Variants in BRF1 observed in about 807,000 individuals in gnomAD.
BRF1 encodes transcription factor IIIB 90 kDa subunit.
In BRF1, 59 loss-of-function variants were observed where a neutral mutation model predicts 81.7. The ratio of observed to expected loss-of-function variants is 0.72; its 90% CI spans 0.59 to 0.90. The LOEUF is 0.90. Among genes scored for constraint, BRF1 ranks in the 40% least tolerant of loss-of-function variants. The pLI is 0.00. For missense variants in BRF1, 1,050 were observed against 936.3 expected (o/e 1.12, Z -1.58); for synonymous variants, 491 against 395.6 (o/e 1.24, Z -2.86).
intron 10 of BRF1, among the ~76,000 whole-genome samples, chr14:105,224,298 G>A (rs1230764403): frequency 6.6e-6 from 1 of 152,192 alleles, no homozygotes; most frequent in South Asian, 2.1e-4. Flanking sequence ...CAAACTACAG[G>A]GTAGAGGTTG....
intron 15 of BRF1, chr14:105,217,323 TG>T: frequency 1.5e-6 from 1 of 685,132 alleles, no homozygotes; most frequent in African/African-American, 1.8e-5. Context: ...CCCTGACAGC[TG>T]GACCCGCCCG....
chr14:105,288,675 C>G (rs1181390318), intron 1 of BRF1, among the ~76,000 whole-genome samples: 1 of 147,570 alleles, frequency 6.8e-6, no homozygotes, highest in African/African-American at 2.5e-5. Flanking sequence ...GCTCTGTCAC[C>G]CAGGCTGGAG....
chr14:105,275,443 C>T lies in BRF1; in HGVS notation c.266-2549G>A, dbSNP rs377376543. ...CCAAAAGAATGGACAGAAAGGGCAT[C>T]GTGCCAGCTGCCACCTGCACATGTG... On this transcript the variant is annotated intron_variant, in intron 2 of 17. Coordinates refer to ENST00000547530, the MANE Select transcript of BRF1 (RefSeq NM_001519.4). Among the ~76,000 whole-genome samples, 16 of 152,360 alleles carry T rather than the reference C, an allele frequency of 1.1e-4. No homozygotes were observed. The South Asian group carries it at 2.7e-3, about 26-fold the overall frequency.
At chr14:105,244,611 G>C (rs959989451) in intron 5 of BRF1, among the ~76,000 whole-genome samples, 1 of 152,088 alleles carries the variant, frequency 6.6e-6, no homozygotes, top group Non-Finnish European at 1.5e-5. Context: ...CCCATGTCAA[G>C]CAGCCTGGAA....
At chr14:105,223,742 A>G (rs1369213392) in intron 10 of BRF1, among the ~76,000 whole-genome samples, 1 of 152,168 alleles carries the variant, frequency 6.6e-6, no homozygotes, top group Non-Finnish European at 1.5e-5. Context: ...TGCAGACATC[A>G]AAGTTCAGAA....
At chr14:105,258,349 C>T (rs1274702528) in intron 3 of BRF1, among the ~76,000 whole-genome samples, 2 of 150,758 alleles carry the variant, frequency 1.3e-5, no homozygotes, top group African/African-American at 2.4e-5. Flanking sequence ...ATTAGCCGGG[C>T]GTGTTGGCGG....
chr14:105,303,225 G>A (rs777293055), upstream of BRF1, among the ~76,000 whole-genome samples: 7 of 151,828 alleles, frequency 4.6e-5, no homozygotes, highest in African/African-American at 9.7e-5. Flanking sequence ...CAATGCACCC[G>A]GCCCCTTTTT....
intron 1 of BRF1, among the ~76,000 whole-genome samples, chr14:105,292,772 C>T (rs1265217498): frequency 4.0e-5 from 6 of 151,544 alleles, no homozygotes; most frequent in Non-Finnish European, 7.4e-5. Flanking sequence ...CCTTCCCAGG[C>T]GCAGACCCTT....
At chr14:105,249,748 T>C (rs751511079) in intron 5 of BRF1, 2 of 1,613,804 alleles carry the variant, frequency 1.2e-6, no homozygotes, top group Non-Finnish European at 1.7e-6. Context: ...GTGTCAACTT[T>C]CTGGAGACAA....
chr14:105,285,320 A>G (rs2057276266), intron 2 of BRF1, among the ~76,000 whole-genome samples: 1 of 152,260 alleles, frequency 6.6e-6, no homozygotes, highest in Non-Finnish European at 1.5e-5. Context: ...ACTGTCATGC[A>G]GTCACTAAGC....
intron 16 of BRF1, chr14:105,211,688 G>C: frequency 2.9e-6 from 1 of 345,838 alleles, no homozygotes; most frequent in South Asian, 3.9e-5. Flanking sequence ...CCCTGCCCCA[G>C]CCCCCGCCAC....
At chr14:105,225,616 C>CG (rs1453130118) in intron 10 of BRF1, among the ~76,000 whole-genome samples, 1 of 151,850 alleles carries the variant, frequency 6.6e-6, no homozygotes, top group East Asian at 1.9e-4. Flanking sequence ...GAAATGGCCC[C>CG]GCAAAGCTGT....
intron 1 of BRF1, among the ~76,000 whole-genome samples, chr14:105,308,481 C>CA (rs2058255086): frequency 8.0e-6 from 1 of 124,582 alleles, no homozygotes. Flanking sequence ...CAGATTCTGT[C>CA]TTTTTTTTTT....
In BRF1 at chr14:105,210,409, G is replaced by A; in HGVS notation, c.*142C>T. 1.2e-6 allele frequency: 1 copy of A among 841,370 alleles called. No homozygotes were observed. The highest frequency in any genetic ancestry group is 1.9e-6 in the Non-Finnish European group (1 of 536,282). 52.1% of individuals were successfully genotyped at this position (841,370 alleles called of 1,614,324 possible). A position where few individuals can be genotyped will look rare whatever the true frequency, so the allele number is the denominator to read the frequency against. On this transcript the variant is annotated 3_prime_UTR_variant, in exon 18 of 18. Transcript: ENST00000547530. The surrounding 1 kb of genome is among the most constrained non-coding windows in gnomAD (Gnocchi z 4.7). ...AATCCCAATGGTAAGTTCCACATGGGACGAGGGCTGTGGGACAGGTGCCAC... is the reference window on the plus strand; with the variant it reads ...AATCCCAATGGTAAGTTCCACATGGAACGAGGGCTGTGGGACAGGTGCCAC...
intron 5 of BRF1, chr14:105,250,495 C>T (rs759105878): frequency 6.0e-5 from 97 of 1,613,972 alleles, no homozygotes; most frequent in Non-Finnish European, 7.5e-5. Flanking sequence ...TTGAACAAGA[C>T]ACCTTCTACA....
chr14:105,270,919 A>G (rs2056626783), intron 3 of BRF1, among the ~76,000 whole-genome samples: 1 of 152,152 alleles, frequency 6.6e-6, no homozygotes, highest in South Asian at 2.1e-4. Flanking sequence ...CTCAAAAGAG[A>G]AGCAGGCCAC....
chr14:105,259,008 G>A (rs1028783176), intron 3 of BRF1, among the ~76,000 whole-genome samples: 1 of 152,190 alleles, frequency 6.6e-6, no homozygotes, highest in African/African-American at 2.4e-5. Flanking sequence ...AGGATGTGGG[G>A]CAAGCACAGC....
chr14:105,209,819 C>T lies in BRF1; in HGVS notation c.*732G>A, dbSNP rs587706718. The T allele has an allele frequency of 1.2e-4, 62 of 507,930 alleles. 1 individual carries two copies. The highest frequency in any genetic ancestry group is 1.0e-3 in the African/African-American group (51 of 50,098). 31.5% of individuals were successfully genotyped at this position (507,930 alleles called of 1,614,324 possible). ...GCTGTCGGGCACTCAGTTCACCTGC[C>T]GGCAGCCGCAGGGCTCCTGGGCCCA... is the stretch of plus-strand genomic sequence containing the variant. On this transcript the variant is annotated 3_prime_UTR_variant, in exon 18 of 18. Transcript: ENST00000547530.
At chr14:105,227,394 T>A (rs1893292022) in intron 7 of BRF1, 1 of 152,436 alleles carries the variant, frequency 6.6e-6, no homozygotes, top group South Asian at 2.1e-4. Context: ...TACTCCAGCC[T>A]GGGCGGCAAG....
Sources: allele counts gnomAD v4.1 joint callset (sites outside exome capture counted in the v4.1 genomes callset), GRCh38; gene constraint gnomAD v4.1.1; non-coding constraint Gnocchi (gnomAD v3.1); transcripts MANE v1.5; gene names NCBI Gene and HGNC (gene_info 2026-07-23, HGNC 2026-07-21).